The following XPO7 variants were observed in gnomAD, a reference collection of about 807,000 sequenced individuals.
The protein encoded by XPO7 is exportin 7, also known as exportin-7.
Under a neutral mutation model 144.3 loss-of-function variants are expected in XPO7, and 21 were observed. That is an observed-to-expected ratio of 0.15 (90% CI 0.10 to 0.21). The LOEUF is 0.21. Ranked by LOEUF, XPO7 falls within the 10% of genes least tolerant of loss-of-function variation. XPO7 has a pLI of 1.00. For missense variants in XPO7, 808 were observed against 1,325.8 expected (o/e 0.61, Z 6.06); for synonymous variants, 580 against 499.6 (o/e 1.16, Z -2.15).
intron 20 of XPO7, among the ~76,000 whole-genome samples, chr8:21,995,000 G>T (rs993059590): frequency 2.6e-5 from 4 of 151,960 alleles, no homozygotes; most frequent in African/African-American, 9.7e-5. Flanking sequence ...CTTGCAGTGA[G>T]CCGAGATCGC....
At chr8:21,997,573 A>G (rs1238804813) in intron 21 of XPO7, among the ~76,000 whole-genome samples, 1 of 151,972 alleles carries the variant, frequency 6.6e-6, no homozygotes, top group South Asian at 2.1e-4. Flanking sequence ...TGGTGGGGGG[A>G]GGCTGTGGGA....
intron 1 of XPO7, among the ~76,000 whole-genome samples, chr8:21,950,071 C>G (rs1018427849): frequency 1.3e-5 from 2 of 152,208 alleles, no homozygotes; most frequent in South Asian, 4.1e-4. Context: ...TCTTCAGTCT[C>G]TTGCTCTCAG....
chr8:21,934,313 C>T (rs1417647783), intron 1 of XPO7, among the ~76,000 whole-genome samples: 1 of 152,146 alleles, frequency 6.6e-6, no homozygotes, highest in Non-Finnish European at 1.5e-5. Context: ...GTGGGCGGAT[C>T]ACCTGAGGTC....
Position 21,949,407 on chromosome 8 carries a change from G to A in XPO7, c.19-17450G>A, listed in dbSNP as rs569439712. On this transcript the variant is annotated intron_variant, in intron 1 of 27. Transcript: ENST00000252512. ...CTGAAGCCTACATACTGATAGCATG[G>A]CACTGATAATTCTTGGATTCTTACT... 2.6e-5 allele frequency among the ~76,000 whole-genome samples: 4 copies of A among 152,312 alleles called. No individual in the cohort carries two copies. In the South Asian group the frequency reaches 8.3e-4, roughly 32 times the overall value.
chr8:22,002,344 G>C, intron 25 of XPO7, 72 bp downstream of exon 25: 2 of 1,521,444 alleles, frequency 1.3e-6, no homozygotes, highest in Non-Finnish European at 1.8e-6. Flanking sequence ...AGACAGGGGA[G>C]CCCACACACG....
intron 1 of XPO7, among the ~76,000 whole-genome samples, chr8:21,940,600 C>G (rs1810959155): frequency 6.6e-6 from 1 of 151,806 alleles, no homozygotes; most frequent in African/African-American, 2.4e-5. Flanking sequence ...CTCCCAGTAG[C>G]TGGAATTACA....
chr8:21,933,775 G>A (rs1486976634), intron 1 of XPO7, among the ~76,000 whole-genome samples: 1 of 152,140 alleles, frequency 6.6e-6, no homozygotes, highest in African/African-American at 2.4e-5. Flanking sequence ...ATTCAGAATA[G>A]TAACTGTTAT....
Position 21,970,284 on chromosome 8 carries a change from A to G in XPO7, c.400A>G (p.Ile134Val), listed in dbSNP as rs377266688. ...GGATGACTATGTCTTCAGAAATGCA[A>G]TCACAGACGTCACAAGGTTTTTACA... Reference protein sequence around the residue: ...QKDDYVFRNAITDVTRFLQDS... With the variant: ...QKDDYVFRNAVTDVTRFLQDS... Residue 134 changes from isoleucine (I) to valine (V), a missense_variant, in exon 4 of 28, where the codon ATC (isoleucine) becomes GTC (valine). By Grantham distance (29) the Ile-to-Val change is conservative (BLOSUM62 3). Transcript: ENST00000252512. The G allele has an allele frequency of 3.1e-6, 5 of 1,613,756 alleles. No individual in the cohort carries two copies. Among genetic ancestry groups the G allele is most frequent in the Non-Finnish European group, 4.2e-6 (5 of 1,179,778 alleles).
chr8:21,933,766 T>C (rs1251605474), intron 1 of XPO7, among the ~76,000 whole-genome samples: 2 of 152,188 alleles, frequency 1.3e-5, no homozygotes, highest in Non-Finnish European at 2.9e-5. Flanking sequence ...GTCCATGGTA[T>C]TCAGAATAGT....
intron 1 of XPO7, among the ~76,000 whole-genome samples, chr8:21,925,085 C>T (rs1213346616): frequency 2.0e-5 from 3 of 152,164 alleles, no homozygotes; most frequent in African/African-American, 4.8e-5. Flanking sequence ...GTCACTACCC[C>T]GTTATCTTTT....
At chr8:21,932,416 A>T (rs1481329100) in intron 1 of XPO7, among the ~76,000 whole-genome samples, 1 of 152,160 alleles carries the variant, frequency 6.6e-6, no homozygotes, top group Non-Finnish European at 1.5e-5. Context: ...TGTTTGTCAG[A>T]GGGTAAATAT....
chr8:21,927,498 A>G (rs1810495434), intron 1 of XPO7, among the ~76,000 whole-genome samples: 1 of 149,716 alleles, frequency 6.7e-6, no homozygotes, highest in Non-Finnish European at 1.5e-5. Flanking sequence ...TCGTGTTAAC[A>G]TTGATAGCAT....
chr8:21,949,247 TTAAG>T (rs1183825038), intron 1 of XPO7, among the ~76,000 whole-genome samples: 7 of 152,234 alleles, frequency 4.6e-5, no homozygotes, highest in African/African-American at 1.7e-4. Context: ...GCATTTATAA[TTAAG>T]TGACTTTACT....
intron 15 of XPO7, 117 bp downstream of exon 15, chr8:21,987,974 A>G (rs1585472173): frequency 8.8e-7 from 1 of 1,130,618 alleles, no homozygotes; most frequent in East Asian, 2.6e-5. Context: ...CGTTTGCGTC[A>G]GAAAATTGTG....
At chr8:21,978,603 G>A (rs1812302349) in intron 8 of XPO7, among the ~76,000 whole-genome samples, 1 of 152,220 alleles carries the variant, frequency 6.6e-6, no homozygotes, top group Non-Finnish European at 1.5e-5. Flanking sequence ...CAAGAGGGAT[G>A]ATTAAGAGAG....
intron 8 of XPO7, among the ~76,000 whole-genome samples, chr8:21,978,509 A>G (rs2076940): frequency 0.098 from 14,882 of 152,262 alleles, 1,066 homozygotes; most frequent in East Asian, 0.33. Flanking sequence ...CTCCAAATTA[A>G]TGTAGACCTT....
chr8:21,970,393 A>AC, intron 4 of XPO7, 83 bp downstream of exon 4: 1 of 824,314 alleles, frequency 1.2e-6, no homozygotes, highest in Non-Finnish European at 1.8e-6. Flanking sequence ...CACACACACA[A>AC]CTTAACACGC....
chr8:21,967,533 G>A (rs1391044625), intron 2 of XPO7, among the ~76,000 whole-genome samples: 1 of 151,970 alleles, frequency 6.6e-6, no homozygotes, highest in African/African-American at 2.4e-5. Flanking sequence ...GGGTTTCTCC[G>A]TGTTGGTCAG....
At chr8:21,955,724 C>CTTTTTTTT (rs71544845) in intron 1 of XPO7, among the ~76,000 whole-genome samples, 33 of 102,752 alleles carry the variant, frequency 3.2e-4, no homozygotes, top group Non-Finnish European at 4.2e-4. Context: ...CTGTGCTTAC[C>CTTTTTTTT]TTTTTTTTTT....
Sources: gnomAD v4.1 joint callset for allele counts (sites outside exome capture counted in the v4.1 genomes callset) on GRCh38, gnomAD v4.1.1 for gene constraint, MANE v1.5 for transcripts, NCBI Gene and HGNC (gene_info 2026-07-23, HGNC 2026-07-21) for gene names.